The following LINGO2 variants were observed in gnomAD, a reference collection of about 807,000 sequenced individuals.
LINGO2 encodes leucine-rich repeat and immunoglobulin-like domain-containing nogo receptor-interacting protein 2.
In LINGO2, 14 loss-of-function variants were observed where a neutral mutation model predicts 30.6. That is an observed-to-expected ratio of 0.46 (90% CI 0.30 to 0.72). The LOEUF is 0.72. Ranked by LOEUF, LINGO2 falls within the 30% of genes least tolerant of loss-of-function variation. The pLI, the probability that LINGO2 is intolerant of heterozygous loss-of-function variation, is 0.07. For missense variants in LINGO2, 729 were observed against 751.7 expected, an observed-to-expected ratio of 0.97 and a Z score of 0.35; for synonymous variants, 317 against 288.5, an observed-to-expected ratio of 1.10 and a Z score of -1.00.
At chr9:28,388,896 T>TC (rs1821709964) in intron 2 of LINGO2, among the ~76,000 whole-genome samples, 1 of 150,860 alleles carries the variant, frequency 6.6e-6, no homozygotes. Flanking sequence ...CTTTCTCTCT[T>TC]TCTCTCTCTC....
intron 1 of LINGO2, among the ~76,000 whole-genome samples, chr9:28,645,983 C>G (rs1217089018): frequency 6.6e-6 from 1 of 152,058 alleles, no homozygotes; most frequent in Non-Finnish European, 1.5e-5. Context: ...TTTCTCTGAG[C>G]TTCAATTTTT....
intron 4 of LINGO2, among the ~76,000 whole-genome samples, chr9:28,088,291 C>G (rs1825972957): frequency 6.6e-6 from 1 of 151,722 alleles, no homozygotes; most frequent in African/African-American, 2.4e-5. Flanking sequence ...GTGATGGCAC[C>G]TGAAGTTCAG....
At chr9:28,592,173 C>T (rs1275818935) in intron 1 of LINGO2, among the ~76,000 whole-genome samples, 1 of 151,886 alleles carries the variant, frequency 6.6e-6, no homozygotes, top group Non-Finnish European at 1.5e-5. Context: ...TCTTCATAAG[C>T]CCTTCAAAGT....
chr9:28,490,160 AG>A (rs1360177283), intron 1 of LINGO2, among the ~76,000 whole-genome samples: 1 of 152,108 alleles, frequency 6.6e-6, no homozygotes, highest in African/African-American at 2.4e-5. Context: ...TAAAACTTCT[AG>A]GTAGAGTTAG....
intron 4 of LINGO2, among the ~76,000 whole-genome samples, chr9:28,089,132 C>G (rs1192591968): frequency 6.6e-6 from 1 of 152,100 alleles, no homozygotes; most frequent in African/African-American, 2.4e-5. Context: ...TTTAACACAC[C>G]ATTGTCAACA....
chr9:29,020,048 G>C, the LINGO2 span, among the ~76,000 whole-genome samples: 1 of 152,188 alleles, frequency 6.6e-6, no homozygotes, highest in African/African-American at 2.4e-5. Context: ...CATATGTTTA[G>C]CAGCCAAATG....
Position 28,048,996 on chromosome 9 carries a change from GATTA to G in LINGO2, c.-86-36595_-86-36592del, listed in dbSNP as rs555480530. On this transcript the variant is annotated intron_variant, in intron 4 of 5. Coordinates refer to ENST00000379992, the Ensembl canonical transcript of LINGO2. The stretch of plus-strand genomic sequence containing the variant: ...GTACTAATAGCAGTATTAGAATTAT[GATTA>G]ATTTTTAAATCATTTAAGCATTCTT... 2.5e-4 allele frequency among the ~76,000 whole-genome samples: 37 copies of G among 151,004 alleles called. 4 individuals carry two copies. The South Asian group carries it at 5.3e-3, about 22-fold the overall frequency.
intron 3 of LINGO2, among the ~76,000 whole-genome samples, chr9:28,306,493 A>G (rs1401137520): frequency 1.3e-5 from 2 of 152,252 alleles, no homozygotes; most frequent in Non-Finnish European, 2.9e-5. Context: ...TCCAAAACTG[A>G]CACCCTAACA....
chr9:28,741,798 G>A, the LINGO2 span, among the ~76,000 whole-genome samples: 147 of 151,786 alleles, frequency 9.7e-4, 2 homozygotes, highest in East Asian at 0.025. Flanking sequence ...CTGGGTCTGC[G>A]TGTGCTGCCC....
chr9:28,615,477 TC>T (rs1423682535), intron 1 of LINGO2, among the ~76,000 whole-genome samples: 2 of 152,092 alleles, frequency 1.3e-5, no homozygotes, highest in Non-Finnish European at 2.9e-5. Flanking sequence ...GCCTGCACAT[TC>T]CCTGACACAA....
the LINGO2 span, among the ~76,000 whole-genome samples, chr9:28,995,717 G>C: frequency 2.6e-5 from 4 of 152,160 alleles, no homozygotes; most frequent in African/African-American, 7.2e-5. Context: ...CATGTCCTTT[G>C]TAGGGACATG....
intron 3 of LINGO2, among the ~76,000 whole-genome samples, chr9:28,351,298 T>C (rs376721728): frequency 7.1e-6 from 1 of 140,816 alleles, no homozygotes; most frequent in Non-Finnish European, 1.6e-5. Context: ...ATAGACGCAA[T>C]AAAAAATGAT....
chr9:28,097,532 G>A (rs1387912092), intron 4 of LINGO2, among the ~76,000 whole-genome samples: 2 of 144,806 alleles, frequency 1.4e-5, no homozygotes, highest in Non-Finnish European at 3.0e-5. Context: ...CATATCCTTT[G>A]TAGGGACATG....
At chr9:28,814,515 C>T in the LINGO2 span, among the ~76,000 whole-genome samples, 4 of 152,174 alleles carry the variant, frequency 2.6e-5, no homozygotes, top group African/African-American at 9.7e-5. Context: ...AGACTACTGT[C>T]ATAGCCCTTG....
chr9:28,415,381 T>C (rs1407704886), intron 2 of LINGO2, among the ~76,000 whole-genome samples: 4 of 152,172 alleles, frequency 2.6e-5, no homozygotes. Context: ...TTAAATGACG[T>C]CTGGATGTTA....
intron 4 of LINGO2, among the ~76,000 whole-genome samples, chr9:28,200,717 C>T (rs1564037823): frequency 6.6e-6 from 1 of 152,072 alleles, no homozygotes. Flanking sequence ...ATAGAAGTAA[C>T]ACATAAATAA....
the LINGO2 span, among the ~76,000 whole-genome samples, chr9:28,736,689 G>C: frequency 6.6e-6 from 1 of 152,042 alleles, no homozygotes; most frequent in African/African-American, 2.4e-5. Flanking sequence ...CTACTTGCGG[G>C]GCTGAGGCAG....
At chr9:28,356,537 A>T (rs1360729551) in intron 3 of LINGO2, among the ~76,000 whole-genome samples, 3 of 152,124 alleles carry the variant, frequency 2.0e-5, no homozygotes, top group African/African-American at 4.8e-5. Context: ...GCTTTTAACC[A>T]CTGTACCATG....
chr9:27,980,519 T>C (rs1820803988), intron 5 of LINGO2, among the ~76,000 whole-genome samples: 1 of 151,978 alleles, frequency 6.6e-6, no homozygotes, highest in African/African-American at 2.4e-5. Flanking sequence ...GGGAATATCT[T>C]CAATGTTTTG....
Sources: gnomAD v4.1 joint callset for allele counts (sites outside exome capture counted in the v4.1 genomes callset) on GRCh38, gnomAD v4.1.1 for gene constraint, MANE v1.5 for transcripts, NCBI Gene and HGNC (gene_info 2026-07-23, HGNC 2026-07-21) for gene names.